The following PAFAH1B2 variants were observed in gnomAD, a reference collection of about 807,000 sequenced individuals.
PAFAH1B2 encodes platelet activating factor acetylhydrolase 1b catalytic subunit 2.
In PAFAH1B2, 8 loss-of-function variants were observed where a neutral mutation model predicts 28.0. The observed-to-expected ratio is 0.29, with a 90% CI of 0.17 to 0.52. The LOEUF is 0.52. PAFAH1B2 is among the 20% of genes least tolerant of loss of function. The pLI is 0.97. For missense variants in PAFAH1B2, 190 were observed against 282.6 expected (o/e 0.67, Z 2.35); for synonymous variants, 104 against 103.2 (o/e 1.01, Z -0.05).
At chr11:117,154,443 A>G (rs1956219057) in intron 2 of PAFAH1B2, among the ~76,000 whole-genome samples, 1 of 152,198 alleles carries the variant, frequency 6.6e-6, no homozygotes, top group East Asian at 1.9e-4. Flanking sequence ...TTGGAGACAG[A>G]ATCTTGCTCT....
chr11:117,157,658 A>G (rs1358409150), intron 2 of PAFAH1B2, among the ~76,000 whole-genome samples: 3 of 152,196 alleles, frequency 2.0e-5, no homozygotes, highest in Non-Finnish European at 4.4e-5. Flanking sequence ...TAGGCATGAT[A>G]GAGCATTCCT....
chr11:117,159,279 G>A (rs939055891), intron 2 of PAFAH1B2: 12 of 152,074 alleles, frequency 7.9e-5, no homozygotes, highest in African/African-American at 2.9e-4. Context: ...GTATGGTAAG[G>A]GTGAGAAGAA....
chr11:117,149,033 A>ATTTTTTTTTTTTTTT (rs71037462), intron 1 of PAFAH1B2, among the ~76,000 whole-genome samples: 17 of 118,612 alleles, frequency 1.4e-4, no homozygotes, highest in South Asian at 2.7e-4. Flanking sequence ...ACACCTGCCA[A>ATTTTTTTTTTTTTTT]TTTTTTTTTT....
chr11:117,173,613 C>G (rs1042961956), downstream of PAFAH1B2, among the ~76,000 whole-genome samples: 5 of 152,198 alleles, frequency 3.3e-5, no homozygotes, highest in Admixed American at 3.3e-4. Context: ...CCTGAGCCAC[C>G]GCAGCTCCCA....
downstream of PAFAH1B2, chr11:117,171,846 G>C (rs1421693189): frequency 6.4e-6 from 6 of 932,152 alleles, no homozygotes; most frequent in Non-Finnish European, 3.1e-6. Context: ...GTATACTGTT[G>C]GATTAAAATG....
intron 2 of PAFAH1B2, among the ~76,000 whole-genome samples, chr11:117,155,342 C>T (rs949213555): frequency 2.6e-5 from 4 of 152,092 alleles, no homozygotes; most frequent in African/African-American, 9.7e-5. Context: ...AAAAATAAGG[C>T]TCAGCAGCAG....
chr11:117,162,461 T>TC (rs398017719), intron 4 of PAFAH1B2, among the ~76,000 whole-genome samples: 33 of 147,880 alleles, frequency 2.2e-4, no homozygotes, highest in African/African-American at 7.2e-4. Context: ...TTTTTTTTTT[T>TC]CTCTAAAGAG....
At chr11:117,174,925 C>A, downstream of PAFAH1B2, 3 of 1,527,050 alleles carry the variant, frequency 2.0e-6, no homozygotes, top group South Asian at 3.6e-5. Flanking sequence ...ATCTTCAGGT[C>A]ATTTTAACAA....
chr11:117,172,297 T>C (rs1026360784), downstream of PAFAH1B2, among the ~76,000 whole-genome samples: 2 of 148,556 alleles, frequency 1.3e-5, no homozygotes. Context: ...ATAATATTTG[T>C]GGCCTGATAT....
At position 117,170,271 on chromosome 11, in the gene PAFAH1B2, C is replaced by A. The variant is rs374589090; in HGVS notation, c.*2572C>A. ...CTAGTTGTCATTGTGATTAAGGGGC[C>A]AACTTTCCAGGCAGCTAGCAGAGAT... On this transcript the variant is annotated 3_prime_UTR_variant, in exon 6 of 6. Transcript: ENST00000527958. 3 of 1,062,102 alleles carry A rather than the reference C, an allele frequency of 2.8e-6. No individual in the cohort carries two copies. The East Asian group carries it at 1.5e-4, about 54-fold the overall frequency. The allele number at this position is 1,062,102 out of a possible 1,614,324, so 65.8% of individuals were successfully genotyped here.
In PAFAH1B2 at chr11:117,144,779, C is replaced by A. The variant is rs573451132; in HGVS notation, c.-8+361C>A. ...CCCTGCCCTGCCCTGCCGGGCCCAC[C>A]CGCGGTAGGCCTTGCGCACCCCAGC... On this transcript the variant is annotated intron_variant, in intron 1 of 5. Transcript: ENST00000527958. 4.6e-5 allele frequency among the ~76,000 whole-genome samples: 7 copies of A among 152,144 alleles called. No homozygotes were observed. In the East Asian group the frequency reaches 1.2e-3, roughly 25 times the overall value.
Position 117,170,473 on chromosome 11 carries a change from C to T in PAFAH1B2, c.*2774C>T, listed in dbSNP as rs12574377. On this transcript the variant is annotated 3_prime_UTR_variant, in exon 6 of 6. Coordinates refer to ENST00000527958, the MANE Select transcript of PAFAH1B2 (RefSeq NM_002572.4). ...CAGGCTGTCTTCCAGTCCATGTGTT[C>T]TCGGTCGCCGTAGACAGCGCTCTGG... 3 of 1,060,256 alleles carry T rather than the reference C, an allele frequency of 2.8e-6. No homozygotes were observed. Among genetic ancestry groups the T allele is most frequent in the Non-Finnish European group, 1.1e-6 (1 of 876,582 alleles). 65.7% of individuals were successfully genotyped at this position (1,060,256 alleles called of 1,614,324 possible). A position where few individuals can be genotyped will look rare whatever the true frequency, so the allele number is the denominator to read the frequency against.
intron 1 of PAFAH1B2, among the ~76,000 whole-genome samples, chr11:117,149,454 T>A (rs1298109263): frequency 5.5e-5 from 8 of 146,334 alleles, no homozygotes; most frequent in Non-Finnish European, 1.2e-4. Flanking sequence ...TGAGATGGAG[T>A]CTCGCTCTGT....
chr11:117,175,975 C>T (rs2029957443), downstream of PAFAH1B2: 2 of 1,503,422 alleles, frequency 1.3e-6, no homozygotes, highest in Non-Finnish European at 1.8e-6. Flanking sequence ...AAATCCTACA[C>T]TGATTCTCCA....
chr11:117,157,811 G>A (rs1956285016), intron 2 of PAFAH1B2, among the ~76,000 whole-genome samples: 1 of 152,108 alleles, frequency 6.6e-6, no homozygotes, highest in African/African-American at 2.4e-5. Flanking sequence ...CAGACCTAGA[G>A]CACTGTATAA....
rs2134223609 is a variant in PAFAH1B2, at chr11:117,169,746, T to C, written c.*2047T>C. 1 of 1,058,196 alleles carries C rather than the reference T, an allele frequency of 9.5e-7. No homozygotes were observed. The highest frequency in any genetic ancestry group is 5.2e-5 in the East Asian group (1 of 19,080). The allele number at this position is 1,058,196 out of a possible 1,614,324, so 65.6% of individuals were successfully genotyped here. On this transcript the variant is annotated 3_prime_UTR_variant, in exon 6 of 6. Coordinates refer to ENST00000527958, the MANE Select transcript of PAFAH1B2 (RefSeq NM_002572.4). ...GTTGAGTTTTTCACAAGAGATTTTTTTCTTAGCTGAGGTATAGTTGTATAG... is the reference window on the plus strand; with the variant it reads ...GTTGAGTTTTTCACAAGAGATTTTTCTCTTAGCTGAGGTATAGTTGTATAG...
intron 4 of PAFAH1B2, among the ~76,000 whole-genome samples, chr11:117,162,565 G>A (rs985678073): frequency 1.4e-5 from 2 of 145,938 alleles, no homozygotes; most frequent in South Asian, 2.2e-4. Flanking sequence ...AGGAGTTCAC[G>A]ACCACCCTGG....
rs1260581685 is a variant in PAFAH1B2 at position 117,169,031 on chromosome 11, T to A, written c.*1332T>A. 5 of 618,552 alleles carry A rather than the reference T, an allele frequency of 8.1e-6. No individual in the cohort carries two copies. Among genetic ancestry groups the A allele is most frequent in the Non-Finnish European group, 1.0e-5 (5 of 484,530 alleles). The allele number at this position is 618,552 out of a possible 1,614,324, so 38.3% of individuals were successfully genotyped here. On this transcript the variant is annotated 3_prime_UTR_variant, in exon 6 of 6. Transcript: ENST00000527958. ...GTCTCGAACTCCTGACCTCAGGTGA[T>A]CTGCCCGCCTTGGCCTCCCAAAGTG...
intron 1 of PAFAH1B2, among the ~76,000 whole-genome samples, chr11:117,150,861 G>A (rs1471620776): frequency 2.0e-5 from 3 of 151,876 alleles, no homozygotes; most frequent in Non-Finnish European, 2.9e-5. Flanking sequence ...GGTGGCGGGC[G>A]CTTGTAGTCC....
Sources: gnomAD v4.1 joint callset for allele counts (sites outside exome capture counted in the v4.1 genomes callset) on GRCh38, gnomAD v4.1.1 for gene constraint, MANE v1.5 for transcripts, NCBI Gene and HGNC (gene_info 2026-07-23, HGNC 2026-07-21) for gene names.